The following CNTN4 variants were observed in gnomAD, a reference collection of about 807,000 sequenced individuals.
CNTN4 encodes contactin 4, also known as contactin-4.
A neutral mutation model predicts 122.5 loss-of-function variants in CNTN4; 77 were observed. The ratio of observed to expected loss-of-function variants is 0.63; its 90% CI spans 0.52 to 0.76. The LOEUF is 0.76. CNTN4 is among the 30% of genes least tolerant of loss of function. CNTN4 has a pLI of 0.00. For synonymous variants in CNTN4, 512 were observed against 447.0 expected, an observed-to-expected ratio of 1.15 and a Z score of -1.83; for missense variants, 1,256 against 1,259.1, an observed-to-expected ratio of 1.00 and a Z score of 0.04.
intron 13 of CNTN4, among the ~76,000 whole-genome samples, chr3:2,984,237 T>G (rs748713636): frequency 2.6e-5 from 4 of 152,092 alleles, no homozygotes; most frequent in African/African-American, 4.8e-5. Context: ...GAAATGATGG[T>G]GGGGAAAACA....
At chr3:2,290,834 T>C (rs9863793) in intron 2 of CNTN4, among the ~76,000 whole-genome samples, 22,180 of 152,120 alleles carry the variant, frequency 0.15, 1,997 homozygotes, top group East Asian at 0.52. Context: ...AAAAAACTTA[T>C]TTCCCTTTCA....
At chr3:2,660,769 C>T (rs1187970610) in intron 4 of CNTN4, among the ~76,000 whole-genome samples, 1 of 152,120 alleles carries the variant, frequency 6.6e-6, no homozygotes. Flanking sequence ...TGCTTTTTTC[C>T]GAAGGCCAGA....
intron 7 of CNTN4, among the ~76,000 whole-genome samples, chr3:2,863,464 T>TTTTC (rs58652906): frequency 1.4e-5 from 2 of 140,324 alleles, no homozygotes; most frequent in Non-Finnish European, 3.1e-5. Context: ...TTTTTTTTTT[T>TTTTC]CAGCATAAGA....
chr3:2,458,729 A>G (rs2049092228), intron 3 of CNTN4, among the ~76,000 whole-genome samples: 1 of 152,114 alleles, frequency 6.6e-6, no homozygotes, highest in African/African-American at 2.4e-5. Flanking sequence ...GTTGTTTTAT[A>G]TAACTAGAGA....
intron 4 of CNTN4, among the ~76,000 whole-genome samples, chr3:2,627,735 T>C (rs79987300): frequency 0.041 from 6,227 of 152,080 alleles, 141 homozygotes; most frequent in Middle Eastern, 0.12. Context: ...CCTTGTGATC[T>C]GCCCGCCTCG....
At chr3:2,707,914 TAATGA>T (rs1304752422) in intron 4 of CNTN4, among the ~76,000 whole-genome samples, 1 of 152,232 alleles carries the variant, frequency 6.6e-6, no homozygotes, top group African/African-American at 2.4e-5. Flanking sequence ...TAATTTAAGC[TAATGA>T]AATGAGTCTG....
At chr3:2,537,819 A>C (rs538298075) in intron 3 of CNTN4, among the ~76,000 whole-genome samples, 1 of 152,196 alleles carries the variant, frequency 6.6e-6, no homozygotes, top group East Asian at 1.9e-4. Flanking sequence ...ATCCTTCTGC[A>C]GAAGGGAGCA....
At chr3:2,153,106 G>A (rs1034075708) in intron 2 of CNTN4, among the ~76,000 whole-genome samples, 4 of 152,188 alleles carry the variant, frequency 2.6e-5, no homozygotes, top group Non-Finnish European at 5.9e-5. Context: ...CAGTAATAGA[G>A]AATCCAGGGA....
chr3:2,850,710 T>C (rs892394729), intron 7 of CNTN4, among the ~76,000 whole-genome samples: 5 of 152,198 alleles, frequency 3.3e-5, no homozygotes, highest in Non-Finnish European at 7.3e-5. Flanking sequence ...TCTTTGTTAG[T>C]CAGATGGGAG....
At chr3:2,767,327 G>C (rs1286680069) in intron 6 of CNTN4, among the ~76,000 whole-genome samples, 1 of 152,206 alleles carries the variant, frequency 6.6e-6, no homozygotes, top group Non-Finnish European at 1.5e-5. Context: ...AGTGATTGGT[G>C]TGAGTGCACC....
Position 2,778,106 on chromosome 3 carries a change from CA to C in CNTN4, c.358+32410del, listed in dbSNP as rs1487541618. On this transcript the variant is annotated intron_variant, in intron 6 of 24. Transcript: ENST00000418658. ...GCGGGCGCCTGTAGTCCCAGCTACT[CA>C]GGAGGCTGAGGCAGGAGAATGGCGG... Among the ~76,000 whole-genome samples the C allele has an allele frequency of 3.7e-5, 5 of 135,288 alleles. 2 individuals are homozygous for C. The highest frequency in any genetic ancestry group is 7.9e-5 in the Non-Finnish European group (5 of 63,386). The allele number at this position is 135,288 out of a possible 152,430, so 88.8% of individuals were successfully genotyped here. A position where few individuals can be genotyped will look rare whatever the true frequency, so the allele number is the denominator to read the frequency against.
chr3:2,674,643 A>C (rs578133552), intron 4 of CNTN4, among the ~76,000 whole-genome samples: 2 of 152,302 alleles, frequency 1.3e-5, no homozygotes, highest in South Asian at 4.1e-4. Flanking sequence ...CTGTATTCCC[A>C]GCTACTGGGG....
intron 3 of CNTN4, among the ~76,000 whole-genome samples, chr3:2,380,383 A>T (rs913012351): frequency 6.6e-6 from 1 of 152,220 alleles, no homozygotes; most frequent in Non-Finnish European, 1.5e-5. Context: ...GAGCACTAAG[A>T]TCTGATGTTG....
intron 7 of CNTN4, chr3:2,866,460 C>A: frequency 3.2e-6 from 4 of 1,250,108 alleles, no homozygotes; most frequent in Non-Finnish European, 4.1e-6. Flanking sequence ...TGCCTGACAC[C>A]TGATTAGCAA....
chr3:2,299,905 C>T (rs1368022283), intron 2 of CNTN4, among the ~76,000 whole-genome samples: 2 of 152,074 alleles, frequency 1.3e-5, no homozygotes, highest in African/African-American at 2.4e-5. Flanking sequence ...ATAGCGTTTA[C>T]CGCATTAAAA....
intron 7 of CNTN4, among the ~76,000 whole-genome samples, chr3:2,853,760 A>G (rs889812550): frequency 1.3e-5 from 2 of 152,010 alleles, no homozygotes; most frequent in Non-Finnish European, 2.9e-5. Flanking sequence ...ACCAGAGGAA[A>G]AAAGACCTGT....
chr3:2,863,956 T>A (rs991973954), intron 7 of CNTN4, among the ~76,000 whole-genome samples: 1 of 152,242 alleles, frequency 6.6e-6, no homozygotes, highest in Non-Finnish European at 1.5e-5. Flanking sequence ...GCACTTCCGG[T>A]TGTTTGCATC....
At chr3:2,535,371 A>G (rs2077761505) in intron 3 of CNTN4, among the ~76,000 whole-genome samples, 1 of 152,094 alleles carries the variant, frequency 6.6e-6, no homozygotes, top group Admixed American at 6.6e-5. Context: ...CTTCACTTCT[A>G]AGTTTCAGTT....
intron 3 of CNTN4, among the ~76,000 whole-genome samples, chr3:2,458,822 G>A (rs1177245803): frequency 6.6e-6 from 1 of 152,224 alleles, no homozygotes; most frequent in Non-Finnish European, 1.5e-5. Flanking sequence ...TAAATTTCTA[G>A]CCTGGTGACT....
Sources: allele counts gnomAD v4.1 joint callset (sites outside exome capture counted in the v4.1 genomes callset), GRCh38; gene constraint gnomAD v4.1.1; transcripts MANE v1.5; gene names NCBI Gene and HGNC (gene_info 2026-07-23, HGNC 2026-07-21).